The following BRINP3 variants were observed in gnomAD, a reference collection of about 807,000 sequenced individuals.
BRINP3 encodes the protein BMP/retinoic acid-inducible neural-specific protein 3.
Under a neutral mutation model 71.0 loss-of-function variants are expected in BRINP3, and 19 were observed. The ratio of observed to expected loss-of-function variants is 0.27; its 90% CI spans 0.19 to 0.39. The LOEUF is 0.39. Ranked by LOEUF, BRINP3 falls within the 10% of genes least tolerant of loss-of-function variation. The probability of loss-of-function intolerance (pLI) is 1.00; values close to 1 mark genes in which losing one functional copy is unlikely to be tolerated. For missense variants in BRINP3, 959 were observed against 940.8 expected (o/e 1.02, Z -0.25); for synonymous variants, 380 against 337.7 (o/e 1.13, Z -1.37).
At chr1:190,149,862 C>A (rs1286496288) in intron 7 of BRINP3, among the ~76,000 whole-genome samples, 2 of 152,110 alleles carry the variant, frequency 1.3e-5, no homozygotes, top group Non-Finnish European at 2.9e-5. Flanking sequence ...ACCACCACAG[C>A]AAACTGACCT....
At chr1:190,432,792 AGTTTAG>A (rs1674188011) in intron 2 of BRINP3, among the ~76,000 whole-genome samples, 7 of 152,186 alleles carry the variant, frequency 4.6e-5, no homozygotes, top group Non-Finnish European at 1.0e-4. Context: ...GATCTGGTAC[AGTTTAG>A]GATTAACCAT....
chr1:190,450,494 G>C (rs1038604308), intron 2 of BRINP3, among the ~76,000 whole-genome samples: 1 of 151,936 alleles, frequency 6.6e-6, no homozygotes, highest in African/African-American at 2.4e-5. Context: ...TTTCTATCTG[G>C]ATTGCTACTT....
At chr1:190,356,881 G>C (rs1344023894) in intron 2 of BRINP3, among the ~76,000 whole-genome samples, 1 of 152,004 alleles carries the variant, frequency 6.6e-6, no homozygotes, top group Non-Finnish European at 1.5e-5. Context: ...TAATAAATAT[G>C]TGGTTGACTT....
chr1:190,310,718 T>C (rs1354739831), intron 2 of BRINP3, among the ~76,000 whole-genome samples: 1 of 151,696 alleles, frequency 6.6e-6, no homozygotes, highest in East Asian at 1.9e-4. Flanking sequence ...AATTATATAT[T>C]CATAGAACAG....
At chr1:190,373,205 C>G (rs1032144177) in intron 2 of BRINP3, among the ~76,000 whole-genome samples, 2 of 152,058 alleles carry the variant, frequency 1.3e-5, no homozygotes, top group East Asian at 3.9e-4. Flanking sequence ...GCCTGGCTAA[C>G]ATGGCGAAAC....
chr1:190,160,914 CTTT>C (rs765514781), intron 6 of BRINP3, 24 bp from the exon 7 acceptor site: 1 of 1,509,602 alleles, frequency 6.6e-7, no homozygotes, highest in South Asian at 1.2e-5. Context: ...AAATTCAACA[CTTT>C]AATTATGAAA....
intron 7 of BRINP3, chr1:190,153,961 A>G (rs1656646248): frequency 8.4e-6 from 4 of 477,356 alleles, no homozygotes; most frequent in Non-Finnish European, 1.1e-5. Flanking sequence ...AGTAACTTAT[A>G]CAAAATGGAA....
intron 2 of BRINP3, among the ~76,000 whole-genome samples, chr1:190,443,321 C>A (rs1253834919): frequency 5.3e-5 from 8 of 150,426 alleles, no homozygotes; most frequent in East Asian, 4.0e-4. Flanking sequence ...AGGAGAATGG[C>A]GTGAACCAGG....
intron 7 of BRINP3, among the ~76,000 whole-genome samples, chr1:190,127,413 A>C (rs899549637): frequency 4.6e-5 from 7 of 151,902 alleles, no homozygotes; most frequent in Non-Finnish European, 8.8e-5. Flanking sequence ...CATTTTGTAA[A>C]AGATCAGTTG....
intron 4 of BRINP3, among the ~76,000 whole-genome samples, chr1:190,264,585 G>C (rs1267165839): frequency 6.6e-6 from 1 of 152,012 alleles, no homozygotes; most frequent in African/African-American, 2.4e-5. Flanking sequence ...TATTTTGTGA[G>C]GGAGTCTGTG....
At chr1:190,101,784 A>G (rs895343325) in intron 7 of BRINP3, among the ~76,000 whole-genome samples, 2 of 152,220 alleles carry the variant, frequency 1.3e-5, no homozygotes, top group African/African-American at 4.8e-5. Context: ...GAAGAAAACA[A>G]AAAATGAAAT....
intron 1 of BRINP3, among the ~76,000 whole-genome samples, chr1:190,472,573 A>G (rs1343856103): frequency 6.6e-6 from 1 of 151,736 alleles, no homozygotes; most frequent in Non-Finnish European, 1.5e-5. Flanking sequence ...AAAATGTTTC[A>G]GACTCTTATT....
rs112162316 is a variant in BRINP3 at position 190,197,604 on chromosome 1, C to T, written c.961+28478G>A. ...CTAGACTTCAGGAGGGCAGTCAAAA[C>T]ATACAGCTCCAAAATGATCTCTTTT... is the stretch of plus-strand genomic sequence containing the variant. On this transcript the variant is annotated intron_variant, in intron 6 of 7. Coordinates refer to ENST00000367462, the MANE Select transcript of BRINP3 (RefSeq NM_199051.3). 3.2e-3 allele frequency among the ~76,000 whole-genome samples: 485 copies of T among 152,314 alleles called. 4 individuals carry two copies. The highest frequency in any genetic ancestry group is 0.011 in the African/African-American group (458 of 41,584).
intron 7 of BRINP3, among the ~76,000 whole-genome samples, chr1:190,103,734 T>A (rs1387806835): frequency 6.6e-6 from 1 of 152,074 alleles, no homozygotes; most frequent in Admixed American, 6.6e-5. Context: ...TTTTAATTTA[T>A]ATGCATTTTG....
At chr1:190,221,988 G>A (rs1477510786) in intron 6 of BRINP3, among the ~76,000 whole-genome samples, 1 of 151,878 alleles carries the variant, frequency 6.6e-6, no homozygotes, top group African/African-American at 2.4e-5. Context: ...TAACACCCTC[G>A]TATCAGTAAT....
intron 1 of BRINP3, among the ~76,000 whole-genome samples, chr1:190,472,779 C>T (rs1056883072): frequency 6.6e-6 from 1 of 150,966 alleles, no homozygotes; most frequent in Admixed American, 6.6e-5. Flanking sequence ...TTAAAGAATC[C>T]TCAAATCTAG....
intron 3 of BRINP3, among the ~76,000 whole-genome samples, chr1:190,267,653 A>G (rs570977580): frequency 6.6e-6 from 1 of 152,220 alleles, no homozygotes; most frequent in African/African-American, 2.4e-5. Flanking sequence ...AGGAGAAAAA[A>G]CACCGATTAG....
At chr1:190,120,858 AAG>A (rs1653587601) in intron 7 of BRINP3, among the ~76,000 whole-genome samples, 1 of 152,054 alleles carries the variant, frequency 6.6e-6, no homozygotes, top group African/African-American at 2.4e-5. Context: ...TTGTAAACTA[AAG>A]AGAGAATCTT....
intron 7 of BRINP3, among the ~76,000 whole-genome samples, chr1:190,112,260 T>C (rs1652758991): frequency 6.6e-6 from 1 of 152,204 alleles, no homozygotes; most frequent in Admixed American, 6.5e-5. Flanking sequence ...AAAAGGCTTT[T>C]AAAAATTAAG....
Sources: gnomAD v4.1 joint callset for allele counts (sites outside exome capture counted in the v4.1 genomes callset) on GRCh38, gnomAD v4.1.1 for gene constraint, MANE v1.5 for transcripts, NCBI Gene and HGNC (gene_info 2026-07-23, HGNC 2026-07-21) for gene names.